AUTS2: variants seen among roughly 807,000 people sequenced by gnomAD.
The protein encoded by AUTS2 is autism susceptibility gene 2 protein.
In AUTS2, 17 loss-of-function variants were observed where a neutral mutation model predicts 112.4. That is an observed-to-expected ratio of 0.15 (90% CI 0.10 to 0.23). The LOEUF is 0.23. Ranked by LOEUF, AUTS2 falls within the 10% of genes least tolerant of loss-of-function variation. The pLI, the probability that AUTS2 is intolerant of heterozygous loss-of-function variation, is 1.00. For synonymous variants in AUTS2, 751 were observed against 702.7 expected (o/e 1.07, Z -1.09); for missense variants, 1,510 against 1,701.6 (o/e 0.89, Z 1.98).
At chr7:70,658,482 T>G (rs1450517006) in intron 5 of AUTS2, among the ~76,000 whole-genome samples, 1 of 152,232 alleles carries the variant, frequency 6.6e-6, no homozygotes, top group African/African-American at 2.4e-5. Context: ...TGATCCGCTT[T>G]GAAACCAGAG....
intron 1 of AUTS2, among the ~76,000 whole-genome samples, chr7:69,723,064 G>A (rs1169982416): frequency 6.6e-6 from 1 of 152,048 alleles, no homozygotes; most frequent in African/African-American, 2.4e-5. Flanking sequence ...CATGTTGTAC[G>A]TGCAGCTGCA....
At chr7:69,855,975 T>C (rs756145435) in intron 1 of AUTS2, among the ~76,000 whole-genome samples, 1 of 152,174 alleles carries the variant, frequency 6.6e-6, no homozygotes, top group Non-Finnish European at 1.5e-5. Context: ...TTTTCTTGGA[T>C]TGAGACACAG....
At chr7:70,300,314 A>G (rs1789151582) in intron 4 of AUTS2, among the ~76,000 whole-genome samples, 1 of 152,222 alleles carries the variant, frequency 6.6e-6, no homozygotes, top group African/African-American at 2.4e-5. Context: ...GGCCACATTC[A>G]GAGCTGTCCT....
At chr7:70,363,519 C>G (rs1792384782) in intron 4 of AUTS2, among the ~76,000 whole-genome samples, 1 of 147,452 alleles carries the variant, frequency 6.8e-6, no homozygotes, top group Non-Finnish European at 1.5e-5. Context: ...TTTAATTGCT[C>G]TAAAATAAGT....
intron 4 of AUTS2, among the ~76,000 whole-genome samples, chr7:70,376,959 A>G (rs1197483157): frequency 2.0e-5 from 3 of 151,706 alleles, no homozygotes; most frequent in African/African-American, 7.3e-5. Flanking sequence ...CTGACCCAAG[A>G]CATCTGGCCT....
chr7:69,618,510 A>G (rs1259425838), intron 1 of AUTS2, among the ~76,000 whole-genome samples: 1 of 152,166 alleles, frequency 6.6e-6, no homozygotes, highest in African/African-American at 2.4e-5. Context: ...CAGCGGACCC[A>G]GTTTTAGCTG....
Position 70,766,342 on chromosome 7 carries a change from C to T in AUTS2, c.1689+8C>T, listed in dbSNP as rs1306521326. On this transcript the variant is annotated splice_region_variant and intron_variant, in intron 9 of 18. Transcript: ENST00000342771. This position sits in a 1 kb window ranked among gnomAD's most constrained non-coding sequence, Gnocchi z 4.8. ...ACGCCAGCACCTCCCATGGTGCGTA[C>T]CCCAGGCAGAAATGTGAGGATAAGT... 3 of 1,613,742 alleles carry T rather than the reference C, an allele frequency of 1.9e-6. No homozygotes were observed. Among genetic ancestry groups the T allele is most frequent in the African/African-American group, 2.7e-5 (2 of 75,058 alleles).
intron 6 of AUTS2, among the ~76,000 whole-genome samples, chr7:70,738,169 T>G (rs953497214): frequency 6.6e-6 from 1 of 152,130 alleles, no homozygotes; most frequent in Admixed American, 6.5e-5. Context: ...AATGAAGTCT[T>G]CCAAGTCAGT....
intron 1 of AUTS2, among the ~76,000 whole-genome samples, chr7:69,642,293 G>T (rs1477063724): frequency 6.6e-6 from 1 of 151,878 alleles, no homozygotes; most frequent in African/African-American, 2.4e-5. Flanking sequence ...TATTTTTAAG[G>T]GAAGGGAAAA....
At chr7:69,770,759 C>G (rs951914164) in intron 1 of AUTS2, among the ~76,000 whole-genome samples, 6 of 151,862 alleles carry the variant, frequency 4.0e-5, no homozygotes, top group African/African-American at 1.5e-4. Context: ...AGTAGCTTGT[C>G]TTTCATTACT....
intron 4 of AUTS2, among the ~76,000 whole-genome samples, chr7:70,154,066 T>C (rs2129576569): frequency 6.6e-6 from 1 of 152,336 alleles, no homozygotes; most frequent in Admixed American, 6.5e-5. Context: ...TCCCACTGTT[T>C]TTCAATTCAA....
At chr7:70,289,624 T>A (rs537765530) in intron 4 of AUTS2, among the ~76,000 whole-genome samples, 2 of 152,336 alleles carry the variant, frequency 1.3e-5, no homozygotes, top group South Asian at 4.1e-4. Context: ...CCAAGTCTGC[T>A]GTTCTTTCTT....
chr7:70,254,142 A>G (rs1178911484), intron 4 of AUTS2, among the ~76,000 whole-genome samples: 2 of 152,190 alleles, frequency 1.3e-5, no homozygotes, highest in African/African-American at 2.4e-5. Flanking sequence ...AATCGTTTTC[A>G]GTGGAAGTAT....
intron 3 of AUTS2, 133 bp downstream of exon 3, chr7:70,118,366 G>A (rs1424429751): frequency 2.9e-5 from 31 of 1,080,512 alleles, no homozygotes; most frequent in Middle Eastern, 3.3e-4. Context: ...CAAGCATTGC[G>A]GTTCACATTA....
rs779944756 is a variant in AUTS2, at chr7:69,599,930, A to G, written c.277A>G (p.Met93Val). Residue 93 changes from methionine to valine, a missense_variant, in exon 1 of 19, where the codon ATG becomes GTG. Met to Val is a conservative substitution (Grantham distance 21, BLOSUM62 1). Coordinates refer to ENST00000342771, the MANE Select transcript of AUTS2 (RefSeq NM_015570.4). This position sits in a 1 kb window ranked among gnomAD's most constrained non-coding sequence, Gnocchi z 7.0. ...AGAGGACATCATTGATGGATTTGCC[A>G]TGACCAGCTTTGTCACTTTTGAAGC... Reference protein sequence around the residue: ...AEEDIIDGFAMTSFVTFEALE... With the variant: ...AEEDIIDGFAVTSFVTFEALE... The G allele has an allele frequency of 1.2e-6, 2 of 1,613,616 alleles. No homozygotes were observed. Among genetic ancestry groups the G allele is most frequent in the Middle Eastern group, 1.7e-4 (1 of 6,060 alleles).
chr7:70,303,436 A>G lies in AUTS2; in HGVS notation c.661-132316A>G, dbSNP rs200603447. Among the ~76,000 whole-genome samples, 384 of 105,104 alleles carry G rather than the reference A, an allele frequency of 3.7e-3. 4 individuals are homozygous for G. Among genetic ancestry groups the G allele is most frequent in the East Asian group, 0.017 (57 of 3,424 alleles). The allele number at this position is 105,104 out of a possible 152,430, so 69.0% of individuals were successfully genotyped here. On this transcript the variant is annotated intron_variant, in intron 4 of 18. Transcript: ENST00000342771. ...CGCACACACACACGCGCGCGCGCGC[A>G]CATACACACACACACACACACACAC...
chr7:69,907,374 T>A (rs1355526387), intron 2 of AUTS2, among the ~76,000 whole-genome samples: 1 of 152,246 alleles, frequency 6.6e-6, no homozygotes, highest in Non-Finnish European at 1.5e-5. Context: ...AACTTTGGGA[T>A]ACATTTTTCC....
intron 2 of AUTS2, among the ~76,000 whole-genome samples, chr7:70,070,403 T>G (rs1386468626): frequency 2.2e-5 from 3 of 135,474 alleles, no homozygotes; most frequent in Non-Finnish European, 4.7e-5. Flanking sequence ...CAAAACCCCG[T>G]CTCTTAAAAA....
chr7:70,134,410 C>T, intron 3 of AUTS2, 126 bp from the exon 4 acceptor site: 1 of 747,370 alleles, frequency 1.3e-6, no homozygotes, highest in South Asian at 1.6e-5. Context: ...TGACAAGGGG[C>T]AGCATACACT....
Sources: gnomAD v4.1 joint callset for allele counts (sites outside exome capture counted in the v4.1 genomes callset) on GRCh38, gnomAD v4.1.1 for gene constraint, Gnocchi (gnomAD v3.1) non-coding constraint, MANE v1.5 for transcripts, NCBI Gene and HGNC (gene_info 2026-07-23, HGNC 2026-07-21) for gene names.